The following TACR3 variants were observed in gnomAD, a reference collection of about 807,000 sequenced individuals.
The protein encoded by TACR3 is neuromedin-K receptor.
In TACR3, 34 loss-of-function variants were observed where a neutral mutation model predicts 35.0. That is an observed-to-expected ratio of 0.97 (90% CI 0.74 to 1.30). The LOEUF is 1.30. Ranked by LOEUF, TACR3 falls within the 50% of genes most tolerant of loss-of-function variation. TACR3 has a pLI of 0.00. For synonymous variants in TACR3, 233 were observed against 221.1 expected, an observed-to-expected ratio of 1.05 and a Z score of -0.48; for missense variants, 558 against 591.7, an observed-to-expected ratio of 0.94 and a Z score of 0.59.
intron 3 of TACR3, among the ~76,000 whole-genome samples, chr4:103,596,748 C>A (rs1441739686): frequency 6.6e-6 from 1 of 151,760 alleles, no homozygotes; most frequent in Non-Finnish European, 1.5e-5. Flanking sequence ...TGCTATCCCT[C>A]CCCCGTCCCC....
intron 3 of TACR3, among the ~76,000 whole-genome samples, chr4:103,639,455 G>T (rs545867868): frequency 1.3e-5 from 2 of 151,998 alleles, no homozygotes; most frequent in East Asian, 1.9e-4. Context: ...GTGGGGAGAG[G>T]GGGGAGGGAT....
chr4:103,677,271 T>C (rs1356572950), intron 1 of TACR3, among the ~76,000 whole-genome samples: 1 of 151,996 alleles, frequency 6.6e-6, no homozygotes, highest in African/African-American at 2.4e-5. Flanking sequence ...GGAGTATAAA[T>C]TATTTCAATC....
chr4:103,715,605 T>C (rs932668270), intron 1 of TACR3, among the ~76,000 whole-genome samples: 3 of 152,132 alleles, frequency 2.0e-5, no homozygotes, highest in African/African-American at 7.2e-5. Context: ...AGAAACAGTG[T>C]ATGTGGTTTA....
chr4:103,669,732 C>T (rs2110335893), intron 1 of TACR3, among the ~76,000 whole-genome samples: 1 of 151,996 alleles, frequency 6.6e-6, no homozygotes, highest in Non-Finnish European at 1.5e-5. Context: ...CTTATATATT[C>T]TGGTTCCTAA....
At chr4:103,713,264 G>C (rs892075916) in intron 1 of TACR3, among the ~76,000 whole-genome samples, 4 of 151,968 alleles carry the variant, frequency 2.6e-5, no homozygotes, top group Non-Finnish European at 4.4e-5. Context: ...AGAAAATGTG[G>C]CACATATACA....
At chr4:103,679,593 A>G (rs1296337579) in intron 1 of TACR3, among the ~76,000 whole-genome samples, 1 of 151,962 alleles carries the variant, frequency 6.6e-6, no homozygotes. Flanking sequence ...GTAATTGCTG[A>G]CTTTGAGGAA....
intron 3 of TACR3, among the ~76,000 whole-genome samples, chr4:103,626,688 G>A (rs1466109284): frequency 2.6e-5 from 4 of 151,972 alleles, no homozygotes; most frequent in Admixed American, 1.3e-4. Context: ...AGTTTTCTCC[G>A]GTATGAAAGA....
Position 103,603,518 on chromosome 4 carries a change from C to T in TACR3, c.889-11835G>A, listed in dbSNP as rs190578074. ...TGGGCGAACTTATCCTTTTTTATGG[C>T]GGCATAGTATTCCATGGTGTATATG... is the stretch of plus-strand genomic sequence containing the variant. On this transcript the variant is annotated intron_variant, in intron 3 of 4. Coordinates refer to ENST00000304883, the MANE Select transcript of TACR3 (RefSeq NM_001059.3). Among the ~76,000 whole-genome samples the T allele has an allele frequency of 5.1e-4, 77 of 152,252 alleles. No individual in the cohort carries two copies. The East Asian group carries it at 7.3e-3, about 15-fold the overall frequency.
In TACR3 at chr4:103,719,271, G is replaced by T. The variant is rs1167215653; in HGVS notation, c.405C>A (p.Ala135=). ...TGAAATTGACCAACGTGTTGAAGGC[G>T]GCCATGGAGGCGTCGGAGAAAGCCA... ...VNLAFSDASM[A]AFNTLVNFIY... The change falls in exon 1 of 5, where the codon GCC becomes GCA. Residue 135 remains alanine, a synonymous_variant. Coordinates refer to ENST00000304883, the MANE Select transcript of TACR3 (RefSeq NM_001059.3). The T allele has an allele frequency of 1.2e-6, 2 of 1,614,234 alleles. No homozygotes were observed. The highest frequency in any genetic ancestry group is 1.7e-6 in the Non-Finnish European group (2 of 1,180,046).
chr4:103,632,847 G>A (rs530578395), intron 3 of TACR3, among the ~76,000 whole-genome samples: 1 of 151,964 alleles, frequency 6.6e-6, no homozygotes, highest in African/African-American at 2.4e-5. Flanking sequence ...ACAGTGCCTT[G>A]TAAATGTAGC....
chr4:103,700,310 G>A (rs1369202162), intron 1 of TACR3, among the ~76,000 whole-genome samples: 1 of 152,032 alleles, frequency 6.6e-6, no homozygotes, highest in Non-Finnish European at 1.5e-5. Context: ...ACACAACTGG[G>A]CCCACTGTTG....
At chr4:103,701,146 A>C (rs1357918896) in intron 1 of TACR3, among the ~76,000 whole-genome samples, 1 of 152,086 alleles carries the variant, frequency 6.6e-6, no homozygotes, top group African/African-American at 2.4e-5. Context: ...ATATCTAGAA[A>C]ACCCCATTGT....
At chr4:103,600,963 G>A (rs1369606223) in intron 3 of TACR3, among the ~76,000 whole-genome samples, 2 of 152,082 alleles carry the variant, frequency 1.3e-5, no homozygotes, top group Non-Finnish European at 2.9e-5. Flanking sequence ...ATTTCTGTAG[G>A]TGTCTATCAG....
At chr4:103,674,471 T>C (rs1331970878) in intron 1 of TACR3, among the ~76,000 whole-genome samples, 1 of 152,160 alleles carries the variant, frequency 6.6e-6, no homozygotes, top group Non-Finnish European at 1.5e-5. Context: ...CAGAAGGAGC[T>C]TGTCTTAAAG....
intron 1 of TACR3, among the ~76,000 whole-genome samples, chr4:103,718,604 G>A (rs1423973578): frequency 2.0e-5 from 3 of 152,318 alleles, no homozygotes; most frequent in African/African-American, 4.8e-5. Flanking sequence ...GTGACTGGGA[G>A]ACCAAACCAG....
intron 3 of TACR3, among the ~76,000 whole-genome samples, chr4:103,645,973 C>T (rs961392014): frequency 1.3e-4 from 19 of 152,000 alleles, no homozygotes; most frequent in African/African-American, 4.6e-4. Context: ...GGCCAAGGCA[C>T]AGCATGCAAA....
intron 1 of TACR3, among the ~76,000 whole-genome samples, chr4:103,702,661 A>G (rs140007224): frequency 6.6e-6 from 1 of 152,114 alleles, no homozygotes; most frequent in Non-Finnish European, 1.5e-5. Context: ...CAAATGTCAA[A>G]CAATGATGGA....
chr4:103,647,802 T>TTA (rs1725493399), intron 3 of TACR3, among the ~76,000 whole-genome samples: 2 of 151,852 alleles, frequency 1.3e-5, no homozygotes, highest in Non-Finnish European at 2.9e-5. Context: ...CTAGTGCTAG[T>TTA]TAATACCAGT....
At chr4:103,678,012 C>G (rs909198657) in intron 1 of TACR3, among the ~76,000 whole-genome samples, 2 of 151,964 alleles carry the variant, frequency 1.3e-5, no homozygotes, top group African/African-American at 4.8e-5. Flanking sequence ...CAACAGAAAC[C>G]TGTTTCATCA....
Sources: allele counts gnomAD v4.1 joint callset (sites outside exome capture counted in the v4.1 genomes callset), GRCh38; gene constraint gnomAD v4.1.1; transcripts MANE v1.5; gene names NCBI Gene and HGNC (gene_info 2026-07-23, HGNC 2026-07-21).